The following RWDD4 variants were observed in gnomAD, a reference collection of about 807,000 sequenced individuals.
The protein encoded by RWDD4 is RWD domain-containing protein 4.
In RWDD4, 16 loss-of-function variants were observed where a neutral mutation model predicts 30.0. The ratio of observed to expected loss-of-function variants is 0.53; its 90% CI spans 0.36 to 0.81. RWDD4 has a LOEUF of 0.81. Among genes scored for constraint, RWDD4 ranks in the 30% least tolerant of loss-of-function variants. The pLI, the probability that RWDD4 is intolerant of heterozygous loss-of-function variation, is 0.00. For synonymous variants in RWDD4, 45 were observed against 72.1 expected (o/e 0.62, Z 1.90); for missense variants, 170 against 223.9 (o/e 0.76, Z 1.54).
At chr4:183,643,462 A>ACAT (rs1561008533) in intron 7 of RWDD4, among the ~76,000 whole-genome samples, 1 of 145,052 alleles carries the variant, frequency 6.9e-6, no homozygotes, top group African/African-American at 2.5e-5. Flanking sequence ...TTAAGGGCAC[A>ACAT]CATCATCTTA....
chr4:183,649,491 T>G lies in RWDD4; in HGVS notation c.441A>C (p.Gln147His). ...GCTTACGCTTCTGGGCTTTTGAAAGTTGTTCTTTTTTGTCTTTTTTCTTAC... is the reference window on the plus strand; with the variant it reads ...GCTTACGCTTCTGGGCTTTTGAAAGGTGTTCTTTTTTGTCTTTTTTCTTAC... Reference protein sequence around the residue: ...PSSKKKDKKEQLSKAQKRKLA... With the variant: ...PSSKKKDKKEHLSKAQKRKLA... The change falls in exon 5 of 8, where the codon CAA (glutamine) becomes CAC (histidine). Residue 147 changes from glutamine to histidine, a missense_variant. By Grantham distance (24) the Gln-to-His change is conservative. Coordinates refer to ENST00000326397, the MANE Select transcript of RWDD4 (RefSeq NM_152682.4). 2 of 1,613,126 alleles carry G rather than the reference T, an allele frequency of 1.2e-6. No homozygotes were observed. The highest frequency in any genetic ancestry group is 4.5e-5 in the East Asian group (2 of 44,862).
intron 7 of RWDD4, among the ~76,000 whole-genome samples, chr4:183,643,665 C>A (rs537441920): frequency 8.5e-5 from 13 of 152,072 alleles, no homozygotes; most frequent in South Asian, 8.3e-4. Flanking sequence ...GCCTGTAATC[C>A]CAGCACTTTG....
chr4:183,652,361 C>CT (rs59841926), intron 2 of RWDD4, among the ~76,000 whole-genome samples: 45,189 of 122,838 alleles, frequency 0.37, 9,471 homozygotes, highest in South Asian at 0.47. Context: ...TCTCCCCTGG[C>CT]TTTTTTTTTT....
chr4:183,649,096 C>A (rs910216837), intron 5 of RWDD4, among the ~76,000 whole-genome samples: 33 of 151,422 alleles, frequency 2.2e-4, no homozygotes, highest in Non-Finnish European at 7.4e-5. Context: ...CACTAAGAAG[C>A]AATCCATTTA....
intron 1 of RWDD4, among the ~76,000 whole-genome samples, 199 bp downstream of exon 1, chr4:183,658,730 A>G (rs9790356): frequency 2.6e-5 from 4 of 152,120 alleles, no homozygotes; most frequent in African/African-American, 4.8e-5. Flanking sequence ...ATGAAAAATG[A>G]GGGGGGAAGA....
At chr4:183,643,471 T>C (rs1733909659) in intron 7 of RWDD4, among the ~76,000 whole-genome samples, 1 of 125,688 alleles carries the variant, frequency 8.0e-6, no homozygotes, top group Non-Finnish European at 1.7e-5. Context: ...CACATCATCT[T>C]ACTATTACGA....
chr4:183,645,092 C>G lies in RWDD4; in HGVS notation c.534+1259G>C, dbSNP rs375717440. Among the ~76,000 whole-genome samples the G allele has an allele frequency of 3.3e-5, 5 of 152,122 alleles. No individual in the cohort carries two copies. In the East Asian group the frequency reaches 9.7e-4, roughly 29 times the overall value. ...TCCAGCTTGGGCAACAGAAACAGAC[C>G]TCATCTTCAAAAACAAAACAACAAC... On this transcript the variant is annotated intron_variant, in intron 7 of 7. Coordinates refer to ENST00000326397, the MANE Select transcript of RWDD4 (RefSeq NM_152682.4).
chr4:183,643,213 G>C (rs1261879100), intron 7 of RWDD4, among the ~76,000 whole-genome samples: 4 of 147,918 alleles, frequency 2.7e-5, no homozygotes, highest in Admixed American at 2.7e-4. Flanking sequence ...GATCACTTGA[G>C]GTCAGGAGTT....
At chr4:183,646,704 G>C (rs1457335544) in intron 5 of RWDD4, among the ~76,000 whole-genome samples, 167 bp from the exon 6 acceptor site, 6 of 152,090 alleles carry the variant, frequency 3.9e-5, no homozygotes, top group Non-Finnish European at 8.8e-5. Flanking sequence ...GTTCTCCTAG[G>C]AATACTTGCA....
chr4:183,650,449 AT>A (rs1451489101), intron 4 of RWDD4, among the ~76,000 whole-genome samples: 1 of 152,222 alleles, frequency 6.6e-6, no homozygotes, highest in Non-Finnish European at 1.5e-5. Flanking sequence ...CTTTTAGTGC[AT>A]GACGTGGTGC....
chr4:183,648,496 ATCT>A (rs1734009418), intron 5 of RWDD4, among the ~76,000 whole-genome samples: 3 of 152,214 alleles, frequency 2.0e-5, no homozygotes, highest in Non-Finnish European at 4.4e-5. Flanking sequence ...AGAGTTTATT[ATCT>A]TCTTCTAAAG....
intron 2 of RWDD4, among the ~76,000 whole-genome samples, chr4:183,654,757 T>C (rs1166907603): frequency 6.6e-6 from 1 of 152,174 alleles, no homozygotes; most frequent in Non-Finnish European, 1.5e-5. Flanking sequence ...ATTACATACT[T>C]GGAGATGGTG....
chr4:183,650,455 T>C (rs868438462), intron 4 of RWDD4, among the ~76,000 whole-genome samples: 1 of 152,202 alleles, frequency 6.6e-6, no homozygotes, highest in Non-Finnish European at 1.5e-5. Context: ...GTGCATGACG[T>C]GGTGCAAAGG....
At chr4:183,658,656 T>C (rs972871139) in intron 1 of RWDD4, among the ~76,000 whole-genome samples, 1 of 152,230 alleles carries the variant, frequency 6.6e-6, no homozygotes, top group Non-Finnish European at 1.5e-5. Context: ...GAGCACTGGA[T>C]CGTGCACCAA....
intron 1 of RWDD4, 90 bp from the exon 2 acceptor site, chr4:183,656,051 T>A: frequency 1.2e-6 from 1 of 848,988 alleles, no homozygotes; most frequent in Non-Finnish European, 1.9e-6. Context: ...CCCACTCAAC[T>A]ATGTAAAAGC....
At chr4:183,650,173 T>C (rs1032016169) in intron 4 of RWDD4, among the ~76,000 whole-genome samples, 8 of 152,218 alleles carry the variant, frequency 5.3e-5, no homozygotes, top group African/African-American at 1.9e-4. Flanking sequence ...ATTTGACAGA[T>C]GAGGAACTGG....
chr4:183,657,106 A>G (rs1478221336), intron 1 of RWDD4, among the ~76,000 whole-genome samples: 2 of 152,226 alleles, frequency 1.3e-5, no homozygotes, highest in African/African-American at 4.8e-5. Flanking sequence ...AGTAGACCCT[A>G]AGACCTAGTA....
intron 7 of RWDD4, among the ~76,000 whole-genome samples, chr4:183,643,103 T>TAAAA (rs1561008334): frequency 3.5e-5 from 3 of 84,908 alleles, no homozygotes; most frequent in African/African-American, 4.7e-5. Flanking sequence ...AATAAATAAA[T>TAAAA]AAAATAAAAA....
At chr4:183,648,386 C>A (rs1206998661) in intron 5 of RWDD4, among the ~76,000 whole-genome samples, 1 of 152,134 alleles carries the variant, frequency 6.6e-6, no homozygotes, top group Non-Finnish European at 1.5e-5. Context: ...ATGACGTCCT[C>A]ATTTTCCCTA....
Sources: allele counts gnomAD v4.1 joint callset (sites outside exome capture counted in the v4.1 genomes callset), GRCh38; gene constraint gnomAD v4.1.1; transcripts MANE v1.5; gene names NCBI Gene and HGNC (gene_info 2026-07-23, HGNC 2026-07-21).